Variants in DOCK5 observed in about 807,000 individuals in gnomAD.
The protein encoded by DOCK5 is dedicator of cytokinesis 5, also known as dedicator of cytokinesis protein 5.
A neutral mutation model predicts 251.8 loss-of-function variants in DOCK5; 142 were observed. That is an observed-to-expected ratio of 0.56 (90% confidence interval 0.49 to 0.65). The LOEUF is 0.65. Ranked by LOEUF, DOCK5 falls within the 30% of genes least tolerant of loss-of-function variation. The pLI, the probability that DOCK5 is intolerant of heterozygous loss-of-function variation, is 0.00. For synonymous variants in DOCK5, 842 were observed against 835.5 expected (o/e 1.01, Z -0.13); for missense variants, 2,111 against 2,312.3 (o/e 0.91, Z 1.79).
chr8:25,323,278 C>T (rs1392492090), intron 16 of DOCK5, among the ~76,000 whole-genome samples: 1 of 152,166 alleles, frequency 6.6e-6, no homozygotes, highest in Non-Finnish European at 1.5e-5. Flanking sequence ...TGGGCAGCAC[C>T]ATAAACCCTA....
chr8:25,281,584 T>TA (rs755311727), intron 5 of DOCK5, among the ~76,000 whole-genome samples: 144 of 121,352 alleles, frequency 1.2e-3, no homozygotes, highest in African/African-American at 1.5e-3. Context: ...AGAATTTGGT[T>TA]AAAAAAAAAA....
chr8:25,374,715 T>G, intron 37 of DOCK5, 61 bp downstream of exon 37: 1 of 1,612,846 alleles, frequency 6.2e-7, no homozygotes, highest in South Asian at 1.1e-5. Context: ...CAGACTAAAT[T>G]CTATACATTT....
chr8:25,194,974 G>A (rs1801685670), intron 1 of DOCK5, among the ~76,000 whole-genome samples: 1 of 151,870 alleles, frequency 6.6e-6, no homozygotes, highest in African/African-American at 2.4e-5. Context: ...AGACTGGAGT[G>A]TAGTGGCGCA....
intron 6 of DOCK5, among the ~76,000 whole-genome samples, chr8:25,295,703 G>A (rs1434728889): frequency 6.6e-6 from 1 of 152,088 alleles, no homozygotes; most frequent in African/African-American, 2.4e-5. Context: ...CGCCCACTTG[G>A]TCTGTTCCTT....
chr8:25,387,477 C>A (rs922425682), intron 40 of DOCK5, among the ~76,000 whole-genome samples: 1 of 152,222 alleles, frequency 6.6e-6, no homozygotes, highest in Non-Finnish European at 1.5e-5. Flanking sequence ...ACACTGAATG[C>A]TGTTACTTCT....
rs1238147085 is a variant in DOCK5, at chr8:25,345,524, G to A, written c.2667G>A (p.Gln889=). ...TGCTGACAGACCAGCTCAGCGGCCA[G>A]TTAGATGACAACTCCAACAAGCCTG... is the stretch of plus-strand genomic sequence containing the variant. ...LPLLTDQLSG[Q]LDDNSNKPDH... is the part of the protein sequence containing the mutation. Residue 889 remains glutamine (Q), a synonymous_variant, in exon 26 of 52, where the codon CAG becomes CAA. Coordinates refer to ENST00000276440, the MANE Select transcript of DOCK5 (RefSeq NM_024940.8). 1 of 1,613,928 alleles carries A rather than the reference G, an allele frequency of 6.2e-7. No individual in the cohort carries two copies. Among genetic ancestry groups the A allele is most frequent in the East Asian group, 2.2e-5 (1 of 44,874 alleles).
chr8:25,294,018 A>T (rs1804556580), intron 6 of DOCK5, among the ~76,000 whole-genome samples: 1 of 152,058 alleles, frequency 6.6e-6, no homozygotes, highest in African/African-American at 2.4e-5. Context: ...TAATTAATTA[A>T]TTAATAAAAG....
intron 5 of DOCK5, among the ~76,000 whole-genome samples, chr8:25,289,083 GC>G (rs1295630311): frequency 1.1e-5 from 1 of 92,592 alleles, no homozygotes; most frequent in Admixed American, 1.4e-4. Context: ...AACACACTCT[GC>G]TAATCTCAGT....
At chr8:25,269,771 C>T (rs1803857143) in intron 3 of DOCK5, among the ~76,000 whole-genome samples, 1 of 152,174 alleles carries the variant, frequency 6.6e-6, no homozygotes, top group South Asian at 2.1e-4. Context: ...TATTATTTCA[C>T]AATTAGTTCA....
chr8:25,309,512 A>G (rs557928072), intron 12 of DOCK5, among the ~76,000 whole-genome samples: 4 of 152,102 alleles, frequency 2.6e-5, no homozygotes, highest in South Asian at 4.1e-4. Context: ...TTCATTCCCA[A>G]TGTCGACCCT....
chr8:25,193,376 T>G lies in DOCK5; in HGVS notation c.43+8425T>G, dbSNP rs1410356111. Among the ~76,000 whole-genome samples, 3 of 149,886 alleles carry G rather than the reference T, an allele frequency of 2.0e-5. No individual in the cohort carries two copies. In the South Asian group the frequency reaches 6.3e-4, roughly 31 times the overall value. On this transcript the variant is annotated intron_variant, in intron 1 of 51. Coordinates refer to ENST00000276440, the MANE Select transcript of DOCK5 (RefSeq NM_024940.8). ...GTGTATTTTTTTTTTTAAGGCACAT[T>G]ACAGCTTTTTTTTTTTTGCATTTAG...
At chr8:25,254,364 T>C (rs1279124231) in intron 2 of DOCK5, among the ~76,000 whole-genome samples, 4 of 152,156 alleles carry the variant, frequency 2.6e-5, no homozygotes, top group Non-Finnish European at 5.9e-5. Flanking sequence ...AAAACACAGT[T>C]ATATGAAAGA....
chr8:25,243,723 C>A lies in DOCK5; in HGVS notation c.93C>A (p.Ile31=). The A allele has an allele frequency of 6.2e-7, 1 of 1,613,720 alleles. No homozygotes were observed. Among genetic ancestry groups the A allele is most frequent in the Non-Finnish European group, 8.5e-7 (1 of 1,179,734 alleles). Residue 31 remains isoleucine (I), a synonymous_variant, in exon 2 of 52, where the codon ATC becomes ATA. Coordinates refer to ENST00000276440, the MANE Select transcript of DOCK5 (RefSeq NM_024940.8). ...ASQDVELSLQ[I]GDTVHILEMY... is the part of the protein sequence containing the mutation. ...AAGATGTGGAGCTCTCCTTGCAGAT[C>A]GGTGACACAGTTCACATCCTGGAGA...
intron 40 of DOCK5, among the ~76,000 whole-genome samples, chr8:25,383,999 A>G (rs1801115014): frequency 6.6e-6 from 1 of 152,250 alleles, no homozygotes; most frequent in African/African-American, 2.4e-5. Context: ...CTTTAATCAT[A>G]GTCACCAAAG....
intron 18 of DOCK5, among the ~76,000 whole-genome samples, chr8:25,328,328 A>G (rs1805609151): frequency 6.6e-6 from 1 of 152,134 alleles, no homozygotes; most frequent in Non-Finnish European, 1.5e-5. Flanking sequence ...TGCCATCCAA[A>G]CAGACTGCGA....
chr8:25,269,726 C>T (rs566238521), intron 3 of DOCK5, among the ~76,000 whole-genome samples: 3 of 152,236 alleles, frequency 2.0e-5, no homozygotes, highest in African/African-American at 7.2e-5. Flanking sequence ...GACATGTCAG[C>T]ACTTTCTTTT....
chr8:25,285,769 C>T (rs1804316787), intron 5 of DOCK5, among the ~76,000 whole-genome samples: 1 of 152,254 alleles, frequency 6.6e-6, no homozygotes, highest in African/African-American at 2.4e-5. Context: ...GCATCTTATT[C>T]CTTATTACCA....
intron 1 of DOCK5, among the ~76,000 whole-genome samples, chr8:25,191,292 G>A (rs753780316): frequency 7.9e-5 from 12 of 152,146 alleles, no homozygotes; most frequent in South Asian, 2.1e-4. Flanking sequence ...TATGGCCACC[G>A]ATGGAATGCA....
intron 2 of DOCK5, among the ~76,000 whole-genome samples, chr8:25,247,095 G>A (rs968550805): frequency 1.3e-5 from 2 of 151,944 alleles, no homozygotes; most frequent in African/African-American, 4.8e-5. Flanking sequence ...TCACCAAGTT[G>A]CTCAGGCTGA....
Sources: gnomAD v4.1 joint callset for allele counts (sites outside exome capture counted in the v4.1 genomes callset) on GRCh38, gnomAD v4.1.1 for gene constraint, MANE v1.5 for transcripts, NCBI Gene and HGNC (gene_info 2026-07-23, HGNC 2026-07-21) for gene names.